The following ADARB2 variants were observed in gnomAD, a reference collection of about 807,000 sequenced individuals.
The protein encoded by ADARB2 is inactive double-stranded RNA-specific editase B2.
ADARB2 carries 25 observed loss-of-function variants against 62.2 expected under a neutral mutation model. The observed-to-expected ratio is 0.40, with a 90% CI of 0.29 to 0.56. ADARB2 has a LOEUF of 0.56. Ranked by LOEUF, ADARB2 falls within the 20% of genes least tolerant of loss-of-function variation. The pLI, the probability that ADARB2 is intolerant of heterozygous loss-of-function variation, is 0.43. For synonymous variants in ADARB2, 572 were observed against 500.8 expected (o/e 1.14, Z -1.90); for missense variants, 1,071 against 1,077.4 (o/e 0.99, Z 0.08).
intron 1 of ADARB2, among the ~76,000 whole-genome samples, chr10:1,413,732 T>C (rs895485025): frequency 1.3e-5 from 2 of 152,230 alleles, no homozygotes; most frequent in African/African-American, 4.8e-5. Flanking sequence ...TCTTACAGAC[T>C]GAGCGCTGAT....
At chr10:1,256,978 G>A (rs958311105) in intron 4 of ADARB2, among the ~76,000 whole-genome samples, 21 of 152,276 alleles carry the variant, frequency 1.4e-4, no homozygotes, top group African/African-American at 3.6e-4. Context: ...TGAAGCCCGC[G>A]CTCATAAATA....
At chr10:1,472,648 A>G (rs1831339860) in intron 1 of ADARB2, among the ~76,000 whole-genome samples, 1 of 152,230 alleles carries the variant, frequency 6.6e-6, no homozygotes, top group Non-Finnish European at 1.5e-5. Flanking sequence ...AAACATCTGA[A>G]AAGGAAATCG....
rs181889587 is a variant in ADARB2, at chr10:1,630,355, A to C, written c.100+106696T>G. On this transcript the variant is annotated intron_variant, in intron 1 of 9. Coordinates refer to ENST00000381312, the MANE Select transcript of ADARB2 (RefSeq NM_018702.4). ...ACGCAGTACAGAAGCAAGGCAGGGC[A>C]TAAAGGGGTGGGGAGGGCTTCCTAC... Among the ~76,000 whole-genome samples, 288 of 152,278 alleles carry C rather than the reference A, an allele frequency of 1.9e-3. 1 individual carries two copies. The highest frequency in any genetic ancestry group is 6.7e-3 in the African/African-American group (278 of 41,576).
At chr10:1,345,645 G>C (rs766370636) in intron 3 of ADARB2, among the ~76,000 whole-genome samples, 1 of 152,164 alleles carries the variant, frequency 6.6e-6, no homozygotes, top group Non-Finnish European at 1.5e-5. Context: ...GTTTCCCCCC[G>C]TGACTCTGAT....
intron 7 of ADARB2, among the ~76,000 whole-genome samples, chr10:1,215,090 C>T (rs1387875363): frequency 6.6e-6 from 1 of 152,098 alleles, no homozygotes; most frequent in Non-Finnish European, 1.5e-5. Flanking sequence ...GCGGGGGTCT[C>T]CCGTTTTCTC....
At position 1,190,285 on chromosome 10, in the gene ADARB2, C is replaced by T. The variant is rs151169011; in HGVS notation, c.1865-5246G>A. 8.1e-4 allele frequency among the ~76,000 whole-genome samples: 123 copies of T among 151,378 alleles called. 2 individuals carry two copies. Among genetic ancestry groups the T allele is most frequent in the African/African-American group, 2.8e-3 (113 of 40,714 alleles). The stretch of plus-strand genomic sequence containing the variant: ...GTCCCACGCTTCTCACTCTGCAGGC[C>T]GCCCTGTGAGGCCAAAATTCCTGTG... On this transcript the variant is annotated intron_variant, in intron 8 of 9. Transcript: ENST00000381312.
intron 1 of ADARB2, among the ~76,000 whole-genome samples, chr10:1,379,900 G>T (rs1338234441): frequency 6.6e-6 from 1 of 152,222 alleles, no homozygotes; most frequent in Non-Finnish European, 1.5e-5. Context: ...CACCAATAAA[G>T]TATGCTTTTT....
At chr10:1,490,119 A>G (rs1272138639) in intron 1 of ADARB2, among the ~76,000 whole-genome samples, 1 of 152,156 alleles carries the variant, frequency 6.6e-6, no homozygotes, top group Non-Finnish European at 1.5e-5. Context: ...GGCCCAGGAG[A>G]AGAAGCAACA....
At chr10:1,500,271 C>T (rs966379855) in intron 1 of ADARB2, among the ~76,000 whole-genome samples, 3 of 152,162 alleles carry the variant, frequency 2.0e-5, no homozygotes, top group Non-Finnish European at 2.9e-5. Context: ...CCTGTCTGTT[C>T]TCTGTTGTTA....
chr10:1,453,953 T>C (rs936058529), intron 1 of ADARB2, among the ~76,000 whole-genome samples: 2 of 152,206 alleles, frequency 1.3e-5, no homozygotes, highest in African/African-American at 4.8e-5. Context: ...AAAATTGCCA[T>C]ATAGTCAAGC....
At chr10:1,725,316 G>A (rs919246542) in intron 1 of ADARB2, among the ~76,000 whole-genome samples, 4 of 152,202 alleles carry the variant, frequency 2.6e-5, no homozygotes, top group African/African-American at 4.8e-5. Flanking sequence ...TGGCACACAC[G>A]CGGTTCTATT....
chr10:1,212,134 CCTGA>C (rs1837162068), intron 7 of ADARB2, among the ~76,000 whole-genome samples: 1 of 152,224 alleles, frequency 6.6e-6, no homozygotes, highest in Non-Finnish European at 1.5e-5. Context: ...TCATTAACTC[CCTGA>C]CTTAGAATAT....
chr10:1,328,585 C>T (rs888786769), intron 3 of ADARB2, among the ~76,000 whole-genome samples: 5 of 152,066 alleles, frequency 3.3e-5, no homozygotes, highest in African/African-American at 7.2e-5. Context: ...ATTCCTGGAG[C>T]GGGACAGCCT....
At chr10:1,318,324 C>A (rs1831760121) in intron 3 of ADARB2, among the ~76,000 whole-genome samples, 2 of 152,144 alleles carry the variant, frequency 1.3e-5, no homozygotes, top group African/African-American at 4.8e-5. Flanking sequence ...TCTTACAGCC[C>A]ATAAGATACT....
chr10:1,205,252 G>A (rs991647756), intron 7 of ADARB2, among the ~76,000 whole-genome samples: 3 of 151,890 alleles, frequency 2.0e-5, no homozygotes, highest in African/African-American at 7.2e-5. Flanking sequence ...GGGAGTACAC[G>A]AGGGCCTTGT....
At chr10:1,725,682 C>G (rs943606350) in intron 1 of ADARB2, among the ~76,000 whole-genome samples, 1 of 152,210 alleles carries the variant, frequency 6.6e-6, no homozygotes, top group Non-Finnish European at 1.5e-5. Flanking sequence ...CAGAAGGCCA[C>G]GCTGCCGCAC....
chr10:1,399,597 A>C (rs911646122), intron 1 of ADARB2, among the ~76,000 whole-genome samples: 2 of 151,948 alleles, frequency 1.3e-5, no homozygotes, highest in Non-Finnish European at 2.9e-5. Flanking sequence ...GAGATACAAG[A>C]GGGGGAGTGT....
chr10:1,723,623 G>C (rs1447385214), intron 1 of ADARB2, among the ~76,000 whole-genome samples: 1 of 152,278 alleles, frequency 6.6e-6, no homozygotes, highest in East Asian at 1.9e-4. Context: ...AGAACGGTCC[G>C]CTTGCCACCT....
intron 1 of ADARB2, among the ~76,000 whole-genome samples, chr10:1,444,091 C>T (rs59473343): frequency 6.7e-6 from 1 of 150,270 alleles, no homozygotes; most frequent in African/African-American, 2.5e-5. Context: ...CATCCATCTA[C>T]ATCCATTCTT....
Sources: allele counts gnomAD v4.1 joint callset (sites outside exome capture counted in the v4.1 genomes callset), GRCh38; gene constraint gnomAD v4.1.1; transcripts MANE v1.5; gene names NCBI Gene and HGNC (gene_info 2026-07-23, HGNC 2026-07-21).